The following CEP85L variants were observed in gnomAD, a reference collection of about 807,000 sequenced individuals.
CEP85L encodes the protein centrosomal protein of 85 kDa-like.
In CEP85L, 60 loss-of-function variants were observed where a neutral mutation model predicts 100.3. That is an observed-to-expected ratio of 0.60 (90% CI 0.49 to 0.74). The LOEUF (loss-of-function observed/expected upper bound fraction) is 0.74. Ranked by LOEUF, CEP85L falls within the 30% of genes least tolerant of loss-of-function variation. CEP85L has a pLI of 0.00. For missense variants in CEP85L, 973 were observed against 936.2 expected (o/e 1.04, Z -0.51); for synonymous variants, 319 against 322.7 (o/e 0.99, Z 0.12).
rs1322414081 is a variant in CEP85L at position 118,558,959 on chromosome 6, G to A, written c.1020+6570C>T. On this transcript the variant is annotated intron_variant, in intron 3 of 12. Coordinates refer to ENST00000368491, the MANE Select transcript of CEP85L (RefSeq NM_001042475.3). ...CAATACCTCACTCGCTCAGCTATAA[G>A]AAGAGCCTCAACCATTGAAATGCCT... The A allele has an allele frequency of 1.2e-6, 2 of 1,613,744 alleles. No homozygotes were observed. The highest frequency in any genetic ancestry group is 1.7e-6 in the Non-Finnish European group (2 of 1,179,684).
chr6:118,550,990 T>C (rs1562251922), intron 3 of CEP85L, among the ~76,000 whole-genome samples: 1 of 151,570 alleles, frequency 6.6e-6, no homozygotes, highest in Non-Finnish European at 1.5e-5. Context: ...GCACAGACTT[T>C]AAAAAAAATA....
intron 3 of CEP85L, among the ~76,000 whole-genome samples, chr6:118,528,952 T>C (rs950028342): frequency 9.9e-5 from 15 of 152,238 alleles, no homozygotes; most frequent in Non-Finnish European, 1.6e-4. Flanking sequence ...AAATGTATTT[T>C]CATTATAATT....
chr6:118,514,326 A>G (rs1582951142), intron 4 of CEP85L, among the ~76,000 whole-genome samples: 1 of 151,982 alleles, frequency 6.6e-6, no homozygotes, highest in South Asian at 2.1e-4. Context: ...GGAGTTCAAG[A>G]CCAGCCTGGC....
intron 2 of CEP85L, among the ~76,000 whole-genome samples, chr6:118,577,445 C>T (rs544907411): frequency 1.3e-5 from 2 of 152,298 alleles, no homozygotes; most frequent in South Asian, 4.1e-4. Flanking sequence ...TAGATGCCAT[C>T]AGAGTTCCAC....
At chr6:118,558,970 A>G in intron 3 of CEP85L, 1 of 1,613,286 alleles carries the variant, frequency 6.2e-7, no homozygotes, top group Non-Finnish European at 8.5e-7. Context: ...AAGAGCCTCA[A>G]CCATTGAAAT....
intron 1 of CEP85L, among the ~76,000 whole-genome samples, chr6:118,688,816 C>T (rs1020051842): frequency 2.6e-5 from 4 of 152,200 alleles, no homozygotes; most frequent in African/African-American, 7.2e-5. Context: ...AGGATCACAC[C>T]TCAGGCAGCT....
At position 118,633,911 on chromosome 6, in the gene CEP85L, T is replaced by C. The variant is rs1322218430; in HGVS notation, c.74-1300A>G. 2.0e-5 allele frequency among the ~76,000 whole-genome samples: 3 copies of C among 152,252 alleles called. No individual in the cohort carries two copies. The East Asian group carries it at 5.8e-4, about 29-fold the overall frequency. On this transcript the variant is annotated intron_variant, in intron 1 of 12. Transcript: ENST00000368491. ...CATGAATTTTAGGCTCTCATTTCAA[T>C]GACAGTTCTTAAAAAATTAATAAGC...
chr6:118,607,745 C>T (rs1458312200), intron 2 of CEP85L, among the ~76,000 whole-genome samples: 1 of 152,122 alleles, frequency 6.6e-6, no homozygotes, highest in Non-Finnish European at 1.5e-5. Context: ...CCACTACTTA[C>T]CCAAAGTTGT....
intron 2 of CEP85L, among the ~76,000 whole-genome samples, chr6:118,571,874 T>G (rs1302106611): frequency 1.3e-5 from 2 of 152,210 alleles, no homozygotes; most frequent in African/African-American, 2.4e-5. Flanking sequence ...TTTGTTTTCT[T>G]GGAGACAGTT....
intron 2 of CEP85L, among the ~76,000 whole-genome samples, chr6:118,573,093 G>A (rs1780005936): frequency 6.6e-6 from 1 of 151,992 alleles, no homozygotes; most frequent in Non-Finnish European, 1.5e-5. Context: ...ATATGAATCA[G>A]GCCTTCCCCT....
intron 4 of CEP85L, among the ~76,000 whole-genome samples, chr6:118,512,662 T>C (rs1465739470): frequency 6.6e-6 from 1 of 152,006 alleles, no homozygotes; most frequent in African/African-American, 2.4e-5. Context: ...TCAACAGTGC[T>C]GAGGCTGAGA....
At chr6:118,566,351 T>C in intron 2 of CEP85L, 35 bp from the exon 3 acceptor site, 1 of 1,530,012 alleles carries the variant, frequency 6.5e-7, no homozygotes, top group Non-Finnish European at 8.9e-7. Flanking sequence ...TTAGTTACAA[T>C]TAACAGACAA....
Position 118,573,769 on chromosome 6 carries a change from G to A in CEP85L, c.233-7453C>T, listed in dbSNP as rs117111018. Among the ~76,000 whole-genome samples the A allele has an allele frequency of 5.3e-5, 8 of 152,262 alleles. No individual in the cohort carries two copies. The East Asian group carries it at 1.4e-3, about 26-fold the overall frequency. ...AAACCAGAAGATACGTAGAGATGGT[G>A]TGACTGGATAGCCACAGGCAAAAGA... On this transcript the variant is annotated intron_variant, in intron 2 of 12. Coordinates refer to ENST00000368491, the MANE Select transcript of CEP85L (RefSeq NM_001042475.3).
chr6:118,702,940 G>A (rs1257766823), intron 1 of CEP85L, among the ~76,000 whole-genome samples: 1 of 149,078 alleles, frequency 6.7e-6, no homozygotes, highest in East Asian at 2.0e-4. Context: ...AGCTTGCAGT[G>A]AGCCGAGATG....
At chr6:118,695,625 A>G (rs376378685) in intron 1 of CEP85L, among the ~76,000 whole-genome samples, 2 of 152,352 alleles carry the variant, frequency 1.3e-5, no homozygotes, top group African/African-American at 4.8e-5. Context: ...TTCAGAGAAT[A>G]TAACACATTC....
intron 1 of CEP85L, among the ~76,000 whole-genome samples, chr6:118,682,362 T>A (rs1776692517): frequency 6.6e-6 from 1 of 152,176 alleles, no homozygotes; most frequent in Admixed American, 6.5e-5. Context: ...TTACATTTTG[T>A]AGTGGCAGCA....
intron 5 of CEP85L, among the ~76,000 whole-genome samples, chr6:118,494,326 G>C (rs1166141864): frequency 6.6e-6 from 1 of 152,168 alleles, no homozygotes. Flanking sequence ...GTTTCTGGCA[G>C]GGGGAGGGGA....
chr6:118,657,087 A>T (rs953784969), upstream of CEP85L: 5 of 152,200 alleles, frequency 3.3e-5, no homozygotes, highest in African/African-American at 1.2e-4. Context: ...GTTCCATTTT[A>T]GCATCCGCTT....
At chr6:118,528,691 C>CCT (rs1267116819) in intron 3 of CEP85L, among the ~76,000 whole-genome samples, 1 of 152,132 alleles carries the variant, frequency 6.6e-6, no homozygotes, top group East Asian at 1.9e-4. Context: ...TGTGTATCTA[C>CCT]CTACCTCTAA....
Sources: allele counts gnomAD v4.1 joint callset (sites outside exome capture counted in the v4.1 genomes callset), GRCh38; gene constraint gnomAD v4.1.1; transcripts MANE v1.5; gene names NCBI Gene and HGNC (gene_info 2026-07-23, HGNC 2026-07-21).